The following SAMD5 variants were observed in gnomAD, a reference collection of about 807,000 sequenced individuals.
SAMD5 encodes sterile alpha motif domain containing 5.
In SAMD5, 13 loss-of-function variants were observed where a neutral mutation model predicts 11.3. The observed-to-expected ratio is 1.15, with a 90% confidence interval of 0.75 to 1.83. SAMD5 has a LOEUF of 1.83. SAMD5 is among the 40% of genes most tolerant of loss of function. SAMD5 has a pLI of 0.00. For synonymous variants in SAMD5, 129 were observed against 111.3 expected, an observed-to-expected ratio of 1.16 and a Z score of -1.00; for missense variants, 255 against 239.1, an observed-to-expected ratio of 1.07 and a Z score of -0.44.
At chr6:147,876,249 G>T in the SAMD5 span, among the ~76,000 whole-genome samples, 5 of 152,342 alleles carry the variant, frequency 3.3e-5, no homozygotes, top group South Asian at 1.0e-3. Context: ...GAGAGAAGAA[G>T]ATGTGAGGAA....
At position 147,724,703 on chromosome 6, in the gene SAMD5, T is replaced by C. The variant is rs147967212; in HGVS notation, c.163-12614T>C. ...TCCTGCTGGTGTTTCTGGCTCATGA[T>C]GGAGATGGGGGAAGGGAACAGCCTA... On this transcript the variant is annotated intron_variant, in intron 1 of 1. Transcript: ENST00000566741. Among the ~76,000 whole-genome samples the C allele has an allele frequency of 8.7e-3, 1,326 of 152,166 alleles. 15 individuals are homozygous for C. Among genetic ancestry groups the C allele is most frequent in the South Asian group, 0.056 (267 of 4,810 alleles).
chr6:147,516,746 T>C (rs372736813), intron 1 of SAMD5, among the ~76,000 whole-genome samples: 1 of 152,222 alleles, frequency 6.6e-6, no homozygotes, highest in Non-Finnish European at 1.5e-5. Flanking sequence ...TCAAGTACCA[T>C]TGGATCTGCC....
the SAMD5 span, among the ~76,000 whole-genome samples, chr6:147,789,088 C>A: frequency 2.1e-3 from 246 of 114,628 alleles, 1 homozygote; most frequent in African/African-American, 1.0e-2. Flanking sequence ...TCTCAAAAAA[C>A]AAACAAACAA....
At chr6:147,662,832 G>A (rs1790666378) in intron 1 of SAMD5, among the ~76,000 whole-genome samples, 1 of 152,174 alleles carries the variant, frequency 6.6e-6, no homozygotes, top group South Asian at 2.1e-4. Flanking sequence ...TTGGCTACAT[G>A]TACTACAACA....
the SAMD5 span, among the ~76,000 whole-genome samples, chr6:147,829,977 T>C: frequency 8.5e-5 from 13 of 152,220 alleles, no homozygotes; most frequent in African/African-American, 1.7e-4. Context: ...TGGGACACCA[T>C]TGAAGGCTTT....
rs570573851 is a variant in SAMD5 at position 147,617,227 on chromosome 6, AG to A, written c.162+107842del. ...GATTTGCAGAATTACACTAACTCAAAGGTTTATAGGCAATATTATTCTTCAG... is the reference window on the plus strand; with the variant it reads ...GATTTGCAGAATTACACTAACTCAAAGTTTATAGGCAATATTATTCTTCAG... On this transcript the variant is annotated intron_variant, in intron 1 of 1. Transcript: ENST00000566741. 2.3e-3 allele frequency among the ~76,000 whole-genome samples: 344 copies of A among 152,260 alleles called. 1 individual carries two copies. The highest frequency in any genetic ancestry group is 7.7e-3 in the African/African-American group (318 of 41,554).
chr6:147,643,943 G>T (rs1380353653), intron 1 of SAMD5, among the ~76,000 whole-genome samples: 1 of 152,126 alleles, frequency 6.6e-6, no homozygotes, highest in African/African-American at 2.4e-5. Context: ...AACTTGCCTG[G>T]GGTTAACTAG....
chr6:147,683,642 G>A (rs1342785004), intron 1 of SAMD5, among the ~76,000 whole-genome samples: 1 of 152,092 alleles, frequency 6.6e-6, no homozygotes, highest in Non-Finnish European at 1.5e-5. Context: ...GAAGTGCATG[G>A]CAGTGAGTGA....
intron 1 of SAMD5, among the ~76,000 whole-genome samples, chr6:147,724,932 A>AC (rs1791605025): frequency 6.6e-6 from 1 of 152,006 alleles, no homozygotes; most frequent in Admixed American, 6.6e-5. Context: ...ACAAAAAAAA[A>AC]CTAGCTAATG....
the SAMD5 span, among the ~76,000 whole-genome samples, chr6:147,908,158 T>C: frequency 0.033 from 5,075 of 152,294 alleles, 175 homozygotes; most frequent in Admixed American, 0.11. Flanking sequence ...AATGTTTCTA[T>C]ATTCCTACAT....
intron 1 of SAMD5, among the ~76,000 whole-genome samples, chr6:147,671,260 A>G (rs180734582): frequency 1.6e-3 from 239 of 152,310 alleles, no homozygotes; most frequent in Admixed American, 3.6e-3. Flanking sequence ...TAGCAGGTAT[A>G]ATGAAAAGTT....
chr6:147,538,031 G>C (rs1283111776), intron 1 of SAMD5, among the ~76,000 whole-genome samples: 1 of 152,062 alleles, frequency 6.6e-6, no homozygotes, highest in East Asian at 1.9e-4. Context: ...TATCTGTTCA[G>C]TTTTAATTAA....
At chr6:147,830,254 T>TCTTTC in the SAMD5 span, among the ~76,000 whole-genome samples, 6 of 78,520 alleles carry the variant, frequency 7.6e-5, no homozygotes, top group African/African-American at 4.8e-4. Context: ...TTTCTTTCTT[T>TCTTTC]TTTTTTTTTT....
At chr6:147,673,844 C>T (rs1318714300) in intron 1 of SAMD5, among the ~76,000 whole-genome samples, 1 of 151,552 alleles carries the variant, frequency 6.6e-6, no homozygotes, top group Non-Finnish European at 1.5e-5. Context: ...TTAATCTATG[C>T]AGGAATAGGG....
At chr6:147,770,407 A>G in the SAMD5 span, among the ~76,000 whole-genome samples, 3 of 152,208 alleles carry the variant, frequency 2.0e-5, no homozygotes, top group Non-Finnish European at 4.4e-5. Context: ...TGAACTTATG[A>G]CTATCAGCAT....
chr6:147,816,293 A>ATATATATATATAT, the SAMD5 span, among the ~76,000 whole-genome samples: 1 of 91,588 alleles, frequency 1.1e-5, no homozygotes, highest in African/African-American at 5.6e-5. Context: ...AAAAAAAAAA[A>ATATATATATATAT]AAAAAAAAAT....
At chr6:147,590,104 G>T (rs148708994) in intron 1 of SAMD5, among the ~76,000 whole-genome samples, 63 of 152,278 alleles carry the variant, frequency 4.1e-4, no homozygotes, top group African/African-American at 1.4e-3. Context: ...TACTCTTAAA[G>T]GGTATATAAA....
the SAMD5 span, among the ~76,000 whole-genome samples, chr6:147,798,643 G>A: frequency 6.6e-6 from 1 of 152,040 alleles, no homozygotes; most frequent in African/African-American, 2.4e-5. Context: ...TTGTCTCGTT[G>A]ATCTGTCTAA....
chr6:147,699,397 T>C (rs1221794988), intron 1 of SAMD5, among the ~76,000 whole-genome samples: 1 of 152,202 alleles, frequency 6.6e-6, no homozygotes, highest in Admixed American at 6.6e-5. Flanking sequence ...CCCCACCTAC[T>C]TGTACTGTAG....
Sources: gnomAD v4.1 joint callset for allele counts (sites outside exome capture counted in the v4.1 genomes callset) on GRCh38, gnomAD v4.1.1 for gene constraint, MANE v1.5 for transcripts, NCBI Gene and HGNC (gene_info 2026-07-23, HGNC 2026-07-21) for gene names.